The following KBTBD12 variants were observed in gnomAD, a reference collection of about 807,000 sequenced individuals.
The protein encoded by KBTBD12 is kelch repeat and BTB domain-containing protein 12.
Under a neutral mutation model 58.7 loss-of-function variants are expected in KBTBD12, and 53 were observed. The ratio of observed to expected loss-of-function variants is 0.90; its 90% confidence interval spans 0.72 to 1.14. The LOEUF is 1.14. Ranked by LOEUF, KBTBD12 falls within the 50% of genes most tolerant of loss-of-function variation. The pLI, the probability that KBTBD12 is intolerant of heterozygous loss-of-function variation, is 0.00. For missense variants in KBTBD12, 704 were observed against 751.3 expected, an observed-to-expected ratio of 0.94 and a Z score of 0.74; for synonymous variants, 236 against 259.8, an observed-to-expected ratio of 0.91 and a Z score of 0.88.
At chr3:127,961,350 G>A (rs1940435192) in intron 4 of KBTBD12, among the ~76,000 whole-genome samples, 1 of 152,178 alleles carries the variant, frequency 6.6e-6, no homozygotes, top group Non-Finnish European at 1.5e-5. Context: ...CCTTGGAAAC[G>A]CTGCAGCTCA....
intron 4 of KBTBD12, among the ~76,000 whole-genome samples, chr3:127,943,609 C>T (rs1229493881): frequency 2.6e-5 from 4 of 151,900 alleles, no homozygotes; most frequent in South Asian, 2.1e-4. Context: ...TTTTCAGATA[C>T]ATGATTTGCA....
intron 4 of KBTBD12, among the ~76,000 whole-genome samples, chr3:127,938,503 TAAGA>T (rs1308347629): frequency 1.3e-5 from 2 of 151,992 alleles, no homozygotes; most frequent in Non-Finnish European, 2.9e-5. Context: ...ATGCAATAAG[TAAGA>T]AAGAAGAAGT....
intron 4 of KBTBD12, among the ~76,000 whole-genome samples, chr3:127,943,537 G>T (rs1484820318): frequency 3.3e-5 from 5 of 151,626 alleles, no homozygotes; most frequent in African/African-American, 9.7e-5. Context: ...TTTTAATTAG[G>T]TTATTTGGGT....
intron 1 of KBTBD12, among the ~76,000 whole-genome samples, chr3:127,921,803 A>G (rs1473302028): frequency 1.3e-5 from 2 of 152,170 alleles, no homozygotes; most frequent in African/African-American, 4.8e-5. Context: ...CAAGAAGTTG[A>G]TTTATGTTTG....
At chr3:127,940,726 G>A (rs1939932047) in intron 4 of KBTBD12, among the ~76,000 whole-genome samples, 1 of 151,664 alleles carries the variant, frequency 6.6e-6, no homozygotes, top group Admixed American at 6.6e-5. Flanking sequence ...AGAAAACAGG[G>A]AAATTAGAGG....
intron 4 of KBTBD12, among the ~76,000 whole-genome samples, chr3:127,955,790 GC>G (rs777483961): frequency 6.6e-6 from 1 of 152,290 alleles, no homozygotes; most frequent in East Asian, 1.9e-4. Flanking sequence ...CATAAGCCAG[GC>G]CCTGGGCTGG....
chr3:127,955,851 G>A lies in KBTBD12; in HGVS notation c.1493-7338G>A, dbSNP rs968732350. Among the ~76,000 whole-genome samples, 4 of 152,174 alleles carry A rather than the reference G, an allele frequency of 2.6e-5. No homozygotes were observed. In the East Asian group the frequency reaches 7.7e-4, roughly 29 times the overall value. ...AAGGCAATATCTCTTCCTCTAAACAGCATCATTGTGTACTTGAATATTCTA... is the reference window on the plus strand; with the variant it reads ...AAGGCAATATCTCTTCCTCTAAACAACATCATTGTGTACTTGAATATTCTA... On this transcript the variant is annotated intron_variant, in intron 4 of 5. Transcript: ENST00000405109.
At position 127,945,164 on chromosome 3, in the gene KBTBD12, C is replaced by CTTTTTTTTTT. The variant is rs56216317; in HGVS notation, c.1492+14910_1492+14919dup. On this transcript the variant is annotated intron_variant, in intron 4 of 5. Coordinates refer to ENST00000405109, the MANE Select transcript of KBTBD12 (RefSeq NM_207335.4). ...TGTTTTTTTTAAAAATAGTAGCTAT[C>CTTTTTTTTTT]TTTTTTTTTTTTTTTTTTTTTTTTT... 4.7e-3 allele frequency among the ~76,000 whole-genome samples: 135 copies of CTTTTTTTTTT among 28,768 alleles called. 53 individuals are homozygous for CTTTTTTTTTT. Among genetic ancestry groups the CTTTTTTTTTT allele is most frequent in the South Asian group, 0.01 (7 of 680 alleles). The allele number at this position is 28,768 out of a possible 152,430, so 18.9% of individuals were successfully genotyped here. A position where few individuals can be genotyped will look rare whatever the true frequency, so the allele number is the denominator to read the frequency against.
At chr3:127,969,996 C>T (rs1940653118) in intron 5 of KBTBD12, among the ~76,000 whole-genome samples, 1 of 151,834 alleles carries the variant, frequency 6.6e-6, no homozygotes, top group Non-Finnish European at 1.5e-5. Context: ...AGAGCAACAA[C>T]AAGAACATGA....
intron 2 of KBTBD12, among the ~76,000 whole-genome samples, chr3:127,926,045 A>T (rs1401688727): frequency 6.6e-6 from 1 of 152,292 alleles, no homozygotes; most frequent in African/African-American, 2.4e-5. Context: ...AAAAAGATGT[A>T]CCTTTCCATC....
intron 5 of KBTBD12, among the ~76,000 whole-genome samples, chr3:127,980,521 G>T (rs1940855823): frequency 6.6e-6 from 1 of 152,102 alleles, no homozygotes; most frequent in Non-Finnish European, 1.5e-5. Context: ...GTAGAGACGG[G>T]ATTTCACCAT....
chr3:127,944,734 TGCA>T (rs1940032930), intron 4 of KBTBD12, among the ~76,000 whole-genome samples: 1 of 152,184 alleles, frequency 6.6e-6, no homozygotes, highest in African/African-American at 2.4e-5. Context: ...AAGGCATCCT[TGCA>T]TTGTAATAAA....
In KBTBD12 at chr3:127,968,570, A is replaced by C. The variant is rs1446306555; in HGVS notation, c.1690+5184A>C. The stretch of plus-strand genomic sequence containing the variant: ...AAAGAATTATACACCGTGTTCGAGA[A>C]GGATTTATCCCAGAAATGAAAAGTT... On this transcript the variant is annotated intron_variant, in intron 5 of 5. Transcript: ENST00000405109. 2.6e-5 allele frequency among the ~76,000 whole-genome samples: 4 copies of C among 152,220 alleles called. No individual in the cohort carries two copies. In the South Asian group the frequency reaches 6.2e-4, roughly 24 times the overall value.
Position 127,987,241 on chromosome 3 carries a change from C to T in KBTBD12, c.*2963C>T, listed in dbSNP as rs867400349. On this transcript the variant is annotated 3_prime_UTR_variant, in exon 6 of 6. Transcript: ENST00000405109. ...ATCTTGATTTTTCTTTGATTCCATA[C>T]AACAGATTGCTTGCCTGGGTTAGTG... The T allele has an allele frequency of 6.6e-6, 1 of 152,242 alleles. No individual in the cohort carries two copies. The allele number at this position is 152,242 out of a possible 1,614,324, so 9.4% of individuals were successfully genotyped here. A position where few individuals can be genotyped will look rare whatever the true frequency, so the allele number is the denominator to read the frequency against.
At chr3:127,983,868 G>A (rs1393332196) in intron 5 of KBTBD12, among the ~76,000 whole-genome samples, 3 of 152,112 alleles carry the variant, frequency 2.0e-5, no homozygotes, top group Non-Finnish European at 4.4e-5. Flanking sequence ...AAACAGCCAA[G>A]GCTCCCACCA....
intron 3 of KBTBD12, among the ~76,000 whole-genome samples, chr3:127,928,436 T>A (rs949185197): frequency 1.1e-4 from 16 of 152,254 alleles, no homozygotes; most frequent in Non-Finnish European, 2.2e-4. Context: ...ATATTTAAAA[T>A]TCTTACTCTA....
chr3:127,957,168 G>A (rs1653899196), intron 4 of KBTBD12, among the ~76,000 whole-genome samples: 2 of 151,904 alleles, frequency 1.3e-5, no homozygotes, highest in Admixed American at 1.3e-4. Flanking sequence ...CCATTTCTTG[G>A]GTAAATATGG....
chr3:127,918,666 C>T (rs1395713050), intron 1 of KBTBD12, among the ~76,000 whole-genome samples: 1 of 150,538 alleles, frequency 6.6e-6, no homozygotes, highest in Non-Finnish European at 1.5e-5. Context: ...GAGCCGAGGT[C>T]GCGCCACTGC....
chr3:127,943,469 C>T (rs1299089504), intron 4 of KBTBD12, among the ~76,000 whole-genome samples: 1 of 151,376 alleles, frequency 6.6e-6, no homozygotes, highest in African/African-American at 2.4e-5. Flanking sequence ...ATTTGTATAT[C>T]TTTTTTGATA....
Sources: allele counts gnomAD v4.1 joint callset (sites outside exome capture counted in the v4.1 genomes callset), GRCh38; gene constraint gnomAD v4.1.1; transcripts MANE v1.5; gene names NCBI Gene and HGNC (gene_info 2026-07-23, HGNC 2026-07-21).